Variants in EXTL3 observed in about 807,000 individuals in gnomAD.
EXTL3 encodes the protein exostosin-like 3.
A neutral mutation model predicts 69.3 loss-of-function variants in EXTL3; 27 were observed. The observed-to-expected ratio is 0.39, with a 90% CI of 0.29 to 0.54. EXTL3 has a LOEUF of 0.54. Among genes scored for constraint, EXTL3 ranks in the 20% least tolerant of loss-of-function variants. The probability of loss-of-function intolerance (pLI) is 0.69; values close to 1 mark genes in which losing one functional copy is unlikely to be tolerated. For synonymous variants in EXTL3, 511 were observed against 499.4 expected, an observed-to-expected ratio of 1.02 and a Z score of -0.31; for missense variants, 1,003 against 1,231.8, an observed-to-expected ratio of 0.81 and a Z score of 2.78.
At chr8:28,718,320 T>C (rs1801212249) in intron 3 of EXTL3, 113 bp downstream of exon 3, 1 of 1,023,066 alleles carries the variant, frequency 9.8e-7, no homozygotes, top group Non-Finnish European at 1.5e-6. Flanking sequence ...GGAGAATACA[T>C]GCATACTCAT....
In EXTL3 at chr8:28,724,538, T is replaced by C. The variant is rs193104028; in HGVS notation, c.2148+6331T>C. ...ATCCCAGCACTTTGGGAGGCCGAGA[T>C]GGGTGGATCGCGAGGTCAGGAGTTT... On this transcript the variant is annotated intron_variant, in intron 3 of 6. Transcript: ENST00000220562. 6.1e-5 allele frequency among the ~76,000 whole-genome samples: 9 copies of C among 148,048 alleles called. No individual in the cohort carries two copies. The Admixed American group carries it at 6.1e-4, about 10-fold the overall frequency.
intron 1 of EXTL3, among the ~76,000 whole-genome samples, chr8:28,709,527 T>A (rs1285607780): frequency 6.6e-6 from 1 of 152,042 alleles, no homozygotes; most frequent in East Asian, 1.9e-4. Context: ...TCCGGGTGAG[T>A]GTTTTAGTGT....
In EXTL3 at chr8:28,715,861, A is replaced by G; in HGVS notation, c.-199A>G. 2 of 587,794 alleles carry G rather than the reference A, an allele frequency of 3.4e-6. No individual in the cohort carries two copies. The highest frequency in any genetic ancestry group is 6.0e-6 in the Non-Finnish European group (2 of 332,062). 36.4% of individuals were successfully genotyped at this position (587,794 alleles called of 1,614,324 possible). On this transcript the variant is annotated 5_prime_UTR_variant, in exon 3 of 7. Coordinates refer to ENST00000220562, the MANE Select transcript of EXTL3 (RefSeq NM_001440.4). ...CTTTGGTCAACAGCCAGAACTTAAA[A>G]TCTGCTGGAATAGGGTCAGAGACCA...
intron 1 of EXTL3, among the ~76,000 whole-genome samples, chr8:28,681,493 G>A (rs2130660504): frequency 6.6e-6 from 1 of 152,110 alleles, no homozygotes; most frequent in South Asian, 2.1e-4. Context: ...ACTCCAGCCT[G>A]GATGACAGAG....
At chr8:28,730,106 G>C (rs552884448) in intron 3 of EXTL3, 2 of 152,318 alleles carry the variant, frequency 1.3e-5, no homozygotes, top group South Asian at 2.1e-4. Flanking sequence ...GGACCTCCAG[G>C]GGGAGGATGG....
chr8:28,651,506 G>A (rs548990229), intron 1 of EXTL3, among the ~76,000 whole-genome samples: 1 of 151,904 alleles, frequency 6.6e-6, no homozygotes, highest in South Asian at 2.1e-4. Context: ...TTTATTTTTT[G>A]TAGAGACATG....
At chr8:28,622,513 G>A (rs919696574), upstream of EXTL3, among the ~76,000 whole-genome samples, 1 of 151,974 alleles carries the variant, frequency 6.6e-6, no homozygotes, top group African/African-American at 2.4e-5. Context: ...GAGCCGGCGA[G>A]GGCGGGGCCT....
intron 1 of EXTL3, among the ~76,000 whole-genome samples, chr8:28,632,211 A>G (rs1806580427): frequency 1.3e-5 from 2 of 152,084 alleles, no homozygotes; most frequent in African/African-American, 2.4e-5. Flanking sequence ...GTTCAAGACC[A>G]GCCTGACCAA....
rs147606611 is a variant in EXTL3 at position 28,674,590 on chromosome 8, C to T, written c.-52-38867C>T. Reference sequence around the variant, plus strand: ...AAATTGCTGAAAGTCAAATGCAGAACCTCATCCTGCAAGTGGCTGAATTAC... The same window carrying T: ...AAATTGCTGAAAGTCAAATGCAGAATCTCATCCTGCAAGTGGCTGAATTAC... On this transcript the variant is annotated intron_variant, in intron 1 of 6. Transcript: ENST00000523149. 9.0e-4 allele frequency among the ~76,000 whole-genome samples: 137 copies of T among 152,300 alleles called. 1 individual carries two copies. The highest frequency in any genetic ancestry group is 3.2e-3 in the African/African-American group (135 of 41,556).
At chr8:28,654,124 A>C (rs576875809) in intron 1 of EXTL3, among the ~76,000 whole-genome samples, 1 of 152,366 alleles carries the variant, frequency 6.6e-6, no homozygotes, top group South Asian at 2.1e-4. Flanking sequence ...GATGCTCTCT[A>C]GGAAGACAGT....
chr8:28,721,461 G>C (rs1257126414), intron 3 of EXTL3, among the ~76,000 whole-genome samples: 1 of 152,218 alleles, frequency 6.6e-6, no homozygotes, highest in Non-Finnish European at 1.5e-5. Flanking sequence ...AGTTTTAGCT[G>C]TCTTTCTTGG....
intron 1 of EXTL3, among the ~76,000 whole-genome samples, chr8:28,684,816 CTT>C (rs1357246761): frequency 6.6e-6 from 1 of 151,902 alleles, no homozygotes; most frequent in Non-Finnish European, 1.5e-5. Flanking sequence ...AGTGGTAAAT[CTT>C]AATACAGATT....
At chr8:28,737,824 T>G (rs1801684468) in intron 5 of EXTL3, among the ~76,000 whole-genome samples, 161 bp downstream of exon 5, 1 of 152,222 alleles carries the variant, frequency 6.6e-6, no homozygotes, top group Non-Finnish European at 1.5e-5. Context: ...ATCAAGATGC[T>G]TAGAGCAACT....
At chr8:28,711,539 A>T (rs1189372031) in intron 1 of EXTL3, among the ~76,000 whole-genome samples, 3 of 152,044 alleles carry the variant, frequency 2.0e-5, no homozygotes, top group African/African-American at 7.3e-5. Flanking sequence ...GACTCACTTT[A>T]CAAAGGAGGA....
At chr8:28,614,677 A>G (rs963608662) in intron 2 of EXTL3, among the ~76,000 whole-genome samples, 9 of 152,170 alleles carry the variant, frequency 5.9e-5, no homozygotes, top group African/African-American at 1.7e-4. Context: ...ATTCAATGCT[A>G]TAAATTTTTC....
Position 28,750,603 on chromosome 8 carries a change from G to C in EXTL3, c.2551-54G>C. On this transcript the variant is annotated intron_variant, in intron 6 of 6. Coordinates refer to ENST00000220562, the MANE Select transcript of EXTL3 (RefSeq NM_001440.4). The surrounding 1 kb of genome is among the most constrained non-coding windows in gnomAD (Gnocchi z 5.2). ...AGTGTGGGATCGGCTCAGCTGCAAG[G>C]GTTCTGTCAGTATTAGCTGGGATTC... is the stretch of plus-strand genomic sequence containing the variant. 2 of 1,434,996 alleles carry C rather than the reference G, an allele frequency of 1.4e-6. No homozygotes were observed. The highest frequency in any genetic ancestry group is 2.3e-5 in the South Asian group (2 of 87,238). The allele number at this position is 1,434,996 out of a possible 1,614,324, so 88.9% of individuals were successfully genotyped here.
intron 1 of EXTL3, among the ~76,000 whole-genome samples, chr8:28,653,115 T>G (rs144658297): frequency 2.6e-5 from 4 of 152,346 alleles, no homozygotes; most frequent in East Asian, 3.9e-4. Context: ...ATCCACATGA[T>G]AGTAGCATAT....
intron 6 of EXTL3, among the ~76,000 whole-genome samples, chr8:28,745,381 T>G (rs1305570395): frequency 6.6e-6 from 1 of 152,230 alleles, no homozygotes; most frequent in Non-Finnish European, 1.5e-5. Context: ...AAGAGAAGAA[T>G]AATTAGCAAC....
chr8:28,684,006 C>G (rs1430428743), intron 1 of EXTL3, among the ~76,000 whole-genome samples: 1 of 152,100 alleles, frequency 6.6e-6, no homozygotes, highest in Admixed American at 6.6e-5. Context: ...TTCTTAGCTC[C>G]CACAAATACG....
Sources: allele counts gnomAD v4.1 joint callset (sites outside exome capture counted in the v4.1 genomes callset), GRCh38; gene constraint gnomAD v4.1.1; non-coding constraint Gnocchi (gnomAD v3.1); transcripts MANE v1.5; gene names NCBI Gene and HGNC (gene_info 2026-07-23, HGNC 2026-07-21).